The following TGIF1 variants were observed in gnomAD, a reference collection of about 807,000 sequenced individuals.
TGIF1 encodes homeobox protein TGIF1.
Under a neutral mutation model 19.3 loss-of-function variants are expected in TGIF1, and 4 were observed. That is an observed-to-expected ratio of 0.21 (90% CI 0.10 to 0.47). TGIF1 has a LOEUF of 0.47. Among genes scored for constraint, TGIF1 ranks in the 20% least tolerant of loss-of-function variants. The pLI, the probability that TGIF1 is intolerant of heterozygous loss-of-function variation, is 0.98. For synonymous variants in TGIF1, 122 were observed against 129.3 expected (o/e 0.94, Z 0.38); for missense variants, 275 against 341.4 (o/e 0.81, Z 1.53).
At position 3,451,978 on chromosome 18, in the gene TGIF1, G is replaced by C; in HGVS notation, c.16+1473G>C. ...ATAAGTGAGGGGCTCTGTGTTTCGA[G>C]GATGGTTCTAGCGCAGAGCCGGGTG... On this transcript the variant is annotated intron_variant, in intron 1 of 2. Coordinates refer to ENST00000343820, the MANE Select transcript of TGIF1 (RefSeq NM_003244.4). The surrounding 1 kb of genome is among the most constrained non-coding windows in gnomAD (Gnocchi z 5.4). 1 of 1,579,352 alleles carries C rather than the reference G, an allele frequency of 6.3e-7. No homozygotes were observed. Among genetic ancestry groups the C allele is most frequent in the Non-Finnish European group, 8.6e-7 (1 of 1,160,826 alleles).
intron 2 of TGIF1, among the ~76,000 whole-genome samples, chr18:3,423,891 G>A (rs561041340): frequency 1.1e-4 from 16 of 152,076 alleles, no homozygotes; most frequent in African/African-American, 3.1e-4. Context: ...ACCTGCCCTC[G>A]TTTCTTCCTC....
At chr18:3,427,540 C>T (rs1415774460) in intron 2 of TGIF1, among the ~76,000 whole-genome samples, 5 of 151,872 alleles carry the variant, frequency 3.3e-5, no homozygotes, top group Admixed American at 3.3e-4. Context: ...ATCCGCCTGC[C>T]TCAGCCTCCC....
chr18:3,443,021 C>T (rs1212075176), intron 2 of TGIF1, among the ~76,000 whole-genome samples: 2 of 152,150 alleles, frequency 1.3e-5, no homozygotes, highest in East Asian at 1.9e-4. Flanking sequence ...GAATGAAACA[C>T]GTTTTGATGC....
rs2049346506 is a variant in TGIF1 at position 3,456,169 on chromosome 18, C to T, written c.17-185C>T. 1 of 714,724 alleles carries T rather than the reference C, an allele frequency of 1.4e-6. No homozygotes were observed. The highest frequency in any genetic ancestry group is 2.5e-6 in the Non-Finnish European group (1 of 395,080). The allele number at this position is 714,724 out of a possible 1,614,324, so 44.3% of individuals were successfully genotyped here. On this transcript the variant is annotated intron_variant, in intron 1 of 2. Coordinates refer to ENST00000343820, the MANE Select transcript of TGIF1 (RefSeq NM_003244.4). The surrounding 1 kb of genome is among the most constrained non-coding windows in gnomAD (Gnocchi z 4.2). The stretch of plus-strand genomic sequence containing the variant: ...GCATCTGGCATTTGGTTGAGAGCCT[C>T]CTATGTGGTGCTAGTCAAACTACTT...
chr18:3,450,775 C>A (rs957457271), intron 1 of TGIF1, among the ~76,000 whole-genome samples: 5 of 152,222 alleles, frequency 3.3e-5, no homozygotes, highest in Non-Finnish European at 7.3e-5. Flanking sequence ...TGTGCGCCTG[C>A]AAGTTTCATT....
At position 3,459,481 on chromosome 18, in the gene TGIF1, TCA is replaced by T. The variant is rs1427939544; in HGVS notation, c.*1542_*1543del. 6.6e-6 allele frequency: 1 copy of T among 152,044 alleles called. No individual in the cohort carries two copies. The highest frequency in any genetic ancestry group is 1.5e-5 in the Non-Finnish European group (1 of 68,014). 9.4% of individuals were successfully genotyped at this position (152,044 alleles called of 1,614,324 possible). A position where few individuals can be genotyped will look rare whatever the true frequency, so the allele number is the denominator to read the frequency against. ...CAGCTTAGAATGGTCTGGCCTCACC[TCA>T]GAGAGTCACAGAAATAGACAAAAAC... On this transcript the variant is annotated 3_prime_UTR_variant, in exon 3 of 3. Coordinates refer to ENST00000343820, the MANE Select transcript of TGIF1 (RefSeq NM_003244.4).
chr18:3,434,029 A>G (rs2082584679), intron 2 of TGIF1, among the ~76,000 whole-genome samples: 1 of 152,220 alleles, frequency 6.6e-6, no homozygotes. Context: ...CATTTAAGGA[A>G]CAGCCTCCTT....
At chr18:3,448,037 A>G (rs1256911164), upstream of TGIF1, 1 of 967,924 alleles carries the variant, frequency 1.0e-6, no homozygotes, top group Non-Finnish European at 1.2e-6. Flanking sequence ...CACGGGGAAG[A>G]GGGAAACATT....
chr18:3,418,215 G>A (rs565057723), exon 2 of TGIF1: 2 of 152,176 alleles, frequency 1.3e-5, no homozygotes, highest in South Asian at 4.1e-4. Flanking sequence ...GAAAGTCCAA[G>A]GTAAGTAGAT....
rs117579276 is a variant in TGIF1, at chr18:3,425,216, G to C, written c.-45+7001G>C. ...AAAATTATGACAGCAAGAGAAATGTGACATGGCTAACTCCATCTTGCTTCT... is the reference window on the plus strand; with the variant it reads ...AAAATTATGACAGCAAGAGAAATGTCACATGGCTAACTCCATCTTGCTTCT... On this transcript the variant is annotated intron_variant, in intron 2 of 3. Transcript: ENST00000401449. Among the ~76,000 whole-genome samples the C allele has an allele frequency of 2.5e-3, 384 of 152,360 alleles. 3 individuals carry two copies. Among genetic ancestry groups the C allele is most frequent in the Middle Eastern group, 0.01 (3 of 294 alleles).
intron 2 of TGIF1, among the ~76,000 whole-genome samples, chr18:3,432,059 C>T (rs536135788): frequency 2.3e-3 from 321 of 140,444 alleles, no homozygotes; most frequent in Non-Finnish European, 1.7e-3. Flanking sequence ...ACCCAGGAGG[C>T]GGAGATTACA....
chr18:3,418,702 G>A (rs1345837792), intron 2 of TGIF1: 2 of 152,146 alleles, frequency 1.3e-5, no homozygotes, highest in African/African-American at 4.8e-5. Context: ...TAGGGGGAAA[G>A]GATTATTACT....
chr18:3,416,744 C>A (rs1568025997), intron 1 of TGIF1, among the ~76,000 whole-genome samples: 1 of 151,992 alleles, frequency 6.6e-6, no homozygotes. Flanking sequence ...CCAGCCTGGC[C>A]AACATGGTGA....
chr18:3,441,062 C>A (rs915259815), intron 2 of TGIF1, among the ~76,000 whole-genome samples: 7 of 152,104 alleles, frequency 4.6e-5, no homozygotes, highest in African/African-American at 1.7e-4. Context: ...CATGTCCCCC[C>A]CTCCATGTTT....
rs1270345032 is a variant in TGIF1 at position 3,459,298 on chromosome 18, A to C, written c.*1358A>C. 6.6e-6 allele frequency: 1 copy of C among 152,198 alleles called. No homozygotes were observed. The highest frequency in any genetic ancestry group is 2.4e-5 in the African/African-American group (1 of 41,448). 9.4% of individuals were successfully genotyped at this position (152,198 alleles called of 1,614,324 possible). On this transcript the variant is annotated 3_prime_UTR_variant, in exon 3 of 3. Coordinates refer to ENST00000343820, the MANE Select transcript of TGIF1 (RefSeq NM_003244.4). ...AAAATACAAATTTGTCTAATTTTGA[A>C]ACTATTTTAGAAAGTCCCTACTGTA...
At chr18:3,452,184 G>A (rs2082976260) in intron 1 of TGIF1, 1 of 1,612,704 alleles carries the variant, frequency 6.2e-7, no homozygotes, top group Non-Finnish European at 8.5e-7. Context: ...GTCCTCCCTG[G>A]CGACCCCCTC....
At position 3,457,669 on chromosome 18, in the gene TGIF1, A is replaced by G. The variant is rs1329583944; in HGVS notation, c.548A>G (p.Asp183Gly). The change falls in exon 3 of 3, where the codon GAT (aspartate) becomes GGT (glycine). Residue 183 changes from aspartate to glycine, a missense_variant. Coordinates refer to ENST00000343820, the MANE Select transcript of TGIF1 (RefSeq NM_003244.4). This position sits in a 1 kb window ranked among gnomAD's most constrained non-coding sequence, Gnocchi z 4.9. ...CATACCACTGTGACTGCATTGAAAG[A>G]TGTCCCTTTCTCTCTCTGCCAGTCG... ...ICHTTVTALKDVPFSLCQSVG... is the reference protein window; with the variant it reads ...ICHTTVTALKGVPFSLCQSVG... The G allele has an allele frequency of 6.2e-7, 1 of 1,614,098 alleles. No individual in the cohort carries two copies. The highest frequency in any genetic ancestry group is 1.3e-5 in the African/African-American group (1 of 74,924).
chr18:3,457,566 A>G lies in TGIF1; in HGVS notation c.445A>G (p.Asn149Asp), dbSNP rs761613438. ...ATTTCATTCCTGTACAGCTGGGCCA[A>G]ACCCAACCCTAGGGAGGCCACTGTC... is the stretch of plus-strand genomic sequence containing the variant. ...TPFHSCTAGP[N>D]PTLGRPLSPK... Residue 149 changes from asparagine to aspartate, a missense_variant, in exon 3 of 3, where the codon AAC becomes GAC. Transcript: ENST00000343820. This position sits in a 1 kb window ranked among gnomAD's most constrained non-coding sequence, Gnocchi z 4.9. 1 of 1,614,148 alleles carries G rather than the reference A, an allele frequency of 6.2e-7. No individual in the cohort carries two copies. The highest frequency in any genetic ancestry group is 1.1e-5 in the South Asian group (1 of 91,078).
intron 2 of TGIF1, among the ~76,000 whole-genome samples, chr18:3,421,893 G>A (rs1471198857): frequency 1.3e-5 from 2 of 151,956 alleles, no homozygotes; most frequent in African/African-American, 2.4e-5. Flanking sequence ...AAGATATACA[G>A]GTGAAAGACA....
Sources: gnomAD v4.1 joint callset for allele counts (sites outside exome capture counted in the v4.1 genomes callset) on GRCh38, gnomAD v4.1.1 for gene constraint, Gnocchi (gnomAD v3.1) non-coding constraint, MANE v1.5 for transcripts, NCBI Gene and HGNC (gene_info 2026-07-23, HGNC 2026-07-21) for gene names.